The following KCNK13 variants were observed in gnomAD, a reference collection of about 807,000 sequenced individuals.
KCNK13 encodes potassium two pore domain channel subfamily K member 13, also known as potassium channel subfamily K member 13.
Under a neutral mutation model 23.4 loss-of-function variants are expected in KCNK13, and 12 were observed. The ratio of observed to expected loss-of-function variants is 0.51; its 90% CI spans 0.33 to 0.83. The LOEUF (loss-of-function observed/expected upper bound fraction) is 0.83, where lower values mean the gene tolerates loss of function less well. KCNK13 is among the 40% of genes least tolerant of loss of function. KCNK13 has a pLI of 0.02. For missense variants in KCNK13, 463 were observed against 556.3 expected (o/e 0.83, Z 1.69); for synonymous variants, 231 against 229.5 (o/e 1.01, Z -0.06).
intron 1 of KCNK13, among the ~76,000 whole-genome samples, chr14:90,151,955 A>G (rs1408966036): frequency 1.3e-5 from 2 of 151,964 alleles, no homozygotes; most frequent in African/African-American, 4.8e-5. Context: ...TATTTCTGAG[A>G]TCTCTATTCT....
intron 1 of KCNK13, among the ~76,000 whole-genome samples, chr14:90,069,408 T>C (rs1436401485): frequency 6.6e-6 from 1 of 152,150 alleles, no homozygotes; most frequent in Non-Finnish European, 1.5e-5. Flanking sequence ...CATGATTGGC[T>C]CTGCATGGCT....
intron 1 of KCNK13, among the ~76,000 whole-genome samples, chr14:90,071,445 T>C (rs150139360): frequency 6.6e-6 from 1 of 152,126 alleles, no homozygotes; most frequent in East Asian, 1.9e-4. Flanking sequence ...CTCCCCAACT[T>C]TCTCCCAACC....
chr14:90,099,777 T>C (rs1352171922), intron 1 of KCNK13, among the ~76,000 whole-genome samples: 1 of 152,166 alleles, frequency 6.6e-6, no homozygotes, highest in Non-Finnish European at 1.5e-5. Flanking sequence ...ACAGAATTCT[T>C]CACGAGGATC....
At chr14:90,141,750 G>T (rs1050648353) in intron 1 of KCNK13, among the ~76,000 whole-genome samples, 1 of 141,630 alleles carries the variant, frequency 7.1e-6, no homozygotes, top group African/African-American at 2.6e-5. Flanking sequence ...GAGCCACCAC[G>T]CCCAGCCTTA....
intron 1 of KCNK13, among the ~76,000 whole-genome samples, chr14:90,128,124 A>G (rs891995934): frequency 2.0e-5 from 3 of 152,212 alleles, no homozygotes; most frequent in Admixed American, 6.5e-5. Context: ...CCTCTGGCCT[A>G]TGGAGGAAGA....
At chr14:90,140,527 C>A (rs951675782) in intron 1 of KCNK13, among the ~76,000 whole-genome samples, 1 of 152,066 alleles carries the variant, frequency 6.6e-6, no homozygotes, top group East Asian at 1.9e-4. Flanking sequence ...CAGACGAGTC[C>A]CCTCTCTCTA....
intron 1 of KCNK13, among the ~76,000 whole-genome samples, chr14:90,104,446 C>G (rs908018374): frequency 6.6e-6 from 1 of 152,222 alleles, no homozygotes; most frequent in Non-Finnish European, 1.5e-5. Context: ...ACCATTTTCT[C>G]TCTTGGCACA....
intron 1 of KCNK13, among the ~76,000 whole-genome samples, chr14:90,104,852 C>T (rs568169760): frequency 1.4e-5 from 2 of 147,444 alleles, no homozygotes; most frequent in Admixed American, 6.9e-5. Flanking sequence ...TGCAGTGGCA[C>T]GATCTTGGCT....
intron 1 of KCNK13, among the ~76,000 whole-genome samples, chr14:90,108,797 A>G (rs1889576908): frequency 6.6e-6 from 1 of 152,230 alleles, no homozygotes. Context: ...CAAAAATTAA[A>G]GCACAAAATG....
chr14:90,146,131 A>G (rs929980435), intron 1 of KCNK13, among the ~76,000 whole-genome samples: 2 of 152,132 alleles, frequency 1.3e-5, no homozygotes, highest in South Asian at 2.1e-4. Context: ...TGCTTCAAGT[A>G]TGTTGAATCT....
At chr14:90,096,197 T>C (rs1464325071) in intron 1 of KCNK13, among the ~76,000 whole-genome samples, 3 of 152,098 alleles carry the variant, frequency 2.0e-5, no homozygotes, top group Non-Finnish European at 2.9e-5. Flanking sequence ...CCATTGGCCA[T>C]TGGTGATCAA....
At position 90,184,359 on chromosome 14, in the gene KCNK13, T is replaced by C. The variant is rs750955377; in HGVS notation, c.583T>C (p.Tyr195His). 3 of 1,614,144 alleles carry C rather than the reference T, an allele frequency of 1.9e-6. No homozygotes were observed. In the African/African-American group the frequency reaches 4.0e-5, roughly 22 times the overall value. ...CCTGGCCGGCTGGAAGCCCTCCGTG[T>C]ACTACGTCATGCTGATCCTATGCAC... ...DSLAGWKPSV[Y>H]YVMLILCTAS... The change falls in exon 2 of 2, where the codon TAC (tyrosine) becomes CAC (histidine). Residue 195 changes from tyrosine to histidine, a missense_variant. Around this residue, in one of 3 missense-constraint regions of KCNK13, gnomAD observed 144 missense variants for 224.0 expected, o/e 0.64. Transcript: ENST00000282146. The surrounding 1 kb of genome is among the most constrained non-coding windows in gnomAD (Gnocchi z 5.6).
chr14:90,150,544 AGACATATT>A (rs1274098192), intron 1 of KCNK13, among the ~76,000 whole-genome samples: 1 of 152,210 alleles, frequency 6.6e-6, no homozygotes, highest in Admixed American at 6.5e-5. Context: ...CAAAATCCAG[AGACATATT>A]TGATGAGGCA....
intron 1 of KCNK13, among the ~76,000 whole-genome samples, chr14:90,166,380 A>T (rs1890302554): frequency 6.6e-6 from 1 of 152,194 alleles, no homozygotes. Flanking sequence ...CCTGTAACAT[A>T]TTTTTTAGTT....
At chr14:90,094,770 C>T (rs1889390242) in intron 1 of KCNK13, among the ~76,000 whole-genome samples, 1 of 151,300 alleles carries the variant, frequency 6.6e-6, no homozygotes, top group Non-Finnish European at 1.5e-5. Context: ...TCCTCAGCCT[C>T]CCGAGTAGCT....
intron 1 of KCNK13, among the ~76,000 whole-genome samples, chr14:90,175,368 T>G (rs1332894251): frequency 1.3e-5 from 2 of 152,190 alleles, no homozygotes; most frequent in African/African-American, 2.4e-5. Context: ...ACATTATTCT[T>G]ATAGCCCAAT....
intron 1 of KCNK13, among the ~76,000 whole-genome samples, chr14:90,078,826 C>A (rs1889174167): frequency 6.6e-6 from 1 of 152,182 alleles, no homozygotes; most frequent in Admixed American, 6.5e-5. Flanking sequence ...GAGATCATGA[C>A]CTGCTCATTC....
intron 1 of KCNK13, among the ~76,000 whole-genome samples, chr14:90,150,952 C>T (rs895043229): frequency 1.3e-5 from 2 of 152,022 alleles, no homozygotes; most frequent in Non-Finnish European, 2.9e-5. Context: ...ATACTCCAGC[C>T]TGGGTGATAG....
intron 1 of KCNK13, among the ~76,000 whole-genome samples, chr14:90,160,778 G>C: frequency 6.6e-6 from 1 of 151,510 alleles, no homozygotes; most frequent in Non-Finnish European, 1.5e-5. Context: ...GGGAGGTGGA[G>C]GTTGCAATGA....
Sources: gnomAD v4.1 joint callset for allele counts (sites outside exome capture counted in the v4.1 genomes callset) on GRCh38, gnomAD v4.1.1 for gene constraint, gnomAD v4.1.1 regional missense constraint, Gnocchi (gnomAD v3.1) non-coding constraint, MANE v1.5 for transcripts, NCBI Gene and HGNC (gene_info 2026-07-23, HGNC 2026-07-21) for gene names.